NUP35: variants seen among roughly 807,000 people sequenced by gnomAD.
The protein encoded by NUP35 is nucleoporin NUP35.
In NUP35, 25 loss-of-function variants were observed where a neutral mutation model predicts 41.5. That is an observed-to-expected ratio of 0.60 (90% CI 0.44 to 0.84). The LOEUF is 0.84. Among genes scored for constraint, NUP35 ranks in the 40% least tolerant of loss-of-function variants. The pLI, the probability that NUP35 is intolerant of heterozygous loss-of-function variation, is 0.00. For synonymous variants in NUP35, 149 were observed against 130.7 expected, an observed-to-expected ratio of 1.14 and a Z score of -0.96; for missense variants, 396 against 396.6, an observed-to-expected ratio of 1.00 and a Z score of 0.01.
intron 1 of NUP35, among the ~76,000 whole-genome samples, chr2:183,127,278 AT>A (rs55711123): frequency 1.9e-3 from 275 of 144,472 alleles, no homozygotes; most frequent in East Asian, 0.013. Context: ...TGATTCTTTA[AT>A]TTTTTTTTTT....
chr2:183,158,834 G>A (rs1260701869), intron 7 of NUP35, among the ~76,000 whole-genome samples: 1 of 151,924 alleles, frequency 6.6e-6, no homozygotes, highest in Non-Finnish European at 1.5e-5. Context: ...AAATGTCAAA[G>A]GTTTTCGTTT....
upstream of NUP35, among the ~76,000 whole-genome samples, chr2:183,121,676 C>CA (rs1206593701): frequency 1.3e-3 from 192 of 146,006 alleles, 1 homozygote; most frequent in African/African-American, 4.4e-3. Flanking sequence ...TACTAAAATT[C>CA]AAAAAAAAAA....
intron 4 of NUP35, among the ~76,000 whole-genome samples, chr2:183,139,699 G>C (rs1202580634): frequency 6.6e-6 from 1 of 152,102 alleles, no homozygotes; most frequent in African/African-American, 2.4e-5. Context: ...TTCAGAAGGG[G>C]GCAGAGATTA....
intron 8 of NUP35, 180 bp from the exon 9 acceptor site, chr2:183,160,874 A>T (rs1685848819): frequency 2.3e-6 from 1 of 434,168 alleles, no homozygotes; most frequent in South Asian, 2.7e-5. Context: ...CGAGGTCAGG[A>T]GATCGAGACC....
At chr2:183,132,984 C>T (rs767847593) in intron 3 of NUP35, among the ~76,000 whole-genome samples, 2 of 152,132 alleles carry the variant, frequency 1.3e-5, no homozygotes, top group Non-Finnish European at 2.9e-5. Context: ...ATTCTGTTCT[C>T]ATTTATTGAT....
chr2:183,152,680 C>T (rs1430483522), intron 5 of NUP35, among the ~76,000 whole-genome samples: 1 of 152,122 alleles, frequency 6.6e-6, no homozygotes, highest in Non-Finnish European at 1.5e-5. Flanking sequence ...GTATATATAT[C>T]TATCACAGTA....
At chr2:183,130,686 C>A (rs1371999218) in intron 3 of NUP35, 141 bp downstream of exon 3, 1 of 932,838 alleles carries the variant, frequency 1.1e-6, no homozygotes, top group Non-Finnish European at 1.6e-6. Flanking sequence ...TTAAACACAT[C>A]ATAGAATCTA....
intron 5 of NUP35, among the ~76,000 whole-genome samples, chr2:183,153,853 G>T (rs375962674): frequency 1.3e-5 from 2 of 152,298 alleles, no homozygotes; most frequent in South Asian, 4.1e-4. Flanking sequence ...GTTCCCTTCC[G>T]CACTGCCCTA....
intron 7 of NUP35, 26 bp downstream of exon 7, chr2:183,158,437 G>A (rs1685753363): frequency 6.4e-7 from 1 of 1,568,676 alleles, no homozygotes. Flanking sequence ...TGTAGGCAAA[G>A]TAGCTTAATC....
In NUP35 at chr2:183,148,306, G is replaced by A. The variant is rs143134394; in HGVS notation, c.398-3202G>A. Among the ~76,000 whole-genome samples, 37 of 151,990 alleles carry A rather than the reference G, an allele frequency of 2.4e-4. No individual in the cohort carries two copies. In the East Asian group the frequency reaches 6.8e-3, roughly 28 times the overall value. ...TCTTTTTGTTATATTATTTCTTTTC[G>A]TTTGGTTAGATACCCAGTAAGAGAA... On this transcript the variant is annotated intron_variant, in intron 4 of 8. Transcript: ENST00000295119.
At chr2:183,122,586 AGTT>A (rs1700085093), upstream of NUP35, among the ~76,000 whole-genome samples, 1 of 152,124 alleles carries the variant, frequency 6.6e-6, no homozygotes, top group South Asian at 2.1e-4. Flanking sequence ...AATTCATTTT[AGTT>A]GTTGTATAGT....
chr2:183,141,217 A>G (rs1685084634), intron 4 of NUP35, among the ~76,000 whole-genome samples: 1 of 151,786 alleles, frequency 6.6e-6, no homozygotes, highest in Non-Finnish European at 1.5e-5. Context: ...CCATAATCAC[A>G]TAGCCTTCCC....
rs112710951 is a variant in NUP35 at position 183,154,019 on chromosome 2, A to G, written c.539+2370A>G. Among the ~76,000 whole-genome samples the G allele has an allele frequency of 8.5e-3, 1,291 of 152,296 alleles. 19 individuals carry two copies. The highest frequency in any genetic ancestry group is 0.029 in the African/African-American group (1,205 of 41,566). On this transcript the variant is annotated intron_variant, in intron 5 of 8. Coordinates refer to ENST00000295119, the MANE Select transcript of NUP35 (RefSeq NM_138285.5). Reference sequence around the variant, plus strand: ...GCTCAATACCATGTGGAAGCTGCCAAGGCTTGGGGCTTCCACTCTCTGAAG... The same window carrying G: ...GCTCAATACCATGTGGAAGCTGCCAGGGCTTGGGGCTTCCACTCTCTGAAG...
At chr2:183,152,009 G>A (rs537004426) in intron 5 of NUP35, among the ~76,000 whole-genome samples, 2 of 151,462 alleles carry the variant, frequency 1.3e-5, no homozygotes, top group South Asian at 2.1e-4. Flanking sequence ...GAACACAGTT[G>A]TCCCTTTAGA....
At chr2:183,135,885 T>A (rs2944353) in intron 4 of NUP35, among the ~76,000 whole-genome samples, 73,137 of 148,692 alleles carry the variant, frequency 0.49, 18,937 homozygotes, top group African/African-American at 0.68. Context: ...AATAAAAATT[T>A]AAAAAAAAAA....
At chr2:183,133,320 A>G (rs1047362959) in intron 3 of NUP35, among the ~76,000 whole-genome samples, 3 of 119,422 alleles carry the variant, frequency 2.5e-5, no homozygotes, top group African/African-American at 4.0e-5. Flanking sequence ...TACAGAAGAT[A>G]GTCTTTTTTT....
At chr2:183,118,948 G>T (rs559727651) in intron 1 of NUP35, 21 of 152,272 alleles carry the variant, frequency 1.4e-4, no homozygotes, top group African/African-American at 4.3e-4. Context: ...AGGTAAGCAT[G>T]CGCAATGTGT....
chr2:183,134,306 T>C (rs1301127808), intron 4 of NUP35, among the ~76,000 whole-genome samples: 2 of 152,212 alleles, frequency 1.3e-5, no homozygotes, highest in South Asian at 2.1e-4. Flanking sequence ...CTTACATTTA[T>C]TTGCAGAATT....
At chr2:183,125,974 A>G (rs1684455487) in intron 1 of NUP35, among the ~76,000 whole-genome samples, 1 of 152,132 alleles carries the variant, frequency 6.6e-6, no homozygotes, top group Non-Finnish European at 1.5e-5. Flanking sequence ...CCTGATTAAG[A>G]GCCCATTGTG....
Sources: gnomAD v4.1 joint callset for allele counts (sites outside exome capture counted in the v4.1 genomes callset) on GRCh38, gnomAD v4.1.1 for gene constraint, MANE v1.5 for transcripts, NCBI Gene and HGNC (gene_info 2026-07-23, HGNC 2026-07-21) for gene names.